The following RASA1 variants were observed in gnomAD, a reference collection of about 807,000 sequenced individuals.
The protein encoded by RASA1 is RAS p21 protein activator 1, also known as ras GTPase-activating protein 1.
In RASA1, 25 loss-of-function variants were observed where a neutral mutation model predicts 132.2. That is an observed-to-expected ratio of 0.19 (90% CI 0.14 to 0.26). The LOEUF is 0.26. RASA1 is among the 10% of genes least tolerant of loss of function. RASA1 has a pLI of 1.00. For synonymous variants in RASA1, 477 were observed against 449.9 expected, an observed-to-expected ratio of 1.06 and a Z score of -0.76; for missense variants, 964 against 1,299.2, an observed-to-expected ratio of 0.74 and a Z score of 3.97.
chr5:87,358,942 T>G (rs775175161), intron 9 of RASA1, among the ~76,000 whole-genome samples: 1 of 129,484 alleles, frequency 7.7e-6, no homozygotes, highest in Non-Finnish European at 1.7e-5. Flanking sequence ...TTTAGCAAAT[T>G]AGCAAATGAC....
At chr5:87,353,935 G>C (rs1389452068) in intron 9 of RASA1, among the ~76,000 whole-genome samples, 1 of 152,044 alleles carries the variant, frequency 6.6e-6, no homozygotes, top group Admixed American at 6.6e-5. Context: ...GTTAGAAAAA[G>C]GTGCTTCAAA....
chr5:87,331,319 T>C, intron 1 of RASA1, 29 bp from the exon 2 acceptor site: 3 of 1,569,256 alleles, frequency 1.9e-6, no homozygotes, highest in Non-Finnish European at 2.6e-6. Flanking sequence ...GCTATTTATA[T>C]TGTAATATCT....
chr5:87,268,566 C>A lies in RASA1; in HGVS notation c.115C>A (p.Pro39Thr), dbSNP rs772125504. The A allele has an allele frequency of 6.2e-6, 10 of 1,606,602 alleles. No individual in the cohort carries two copies. The highest frequency in any genetic ancestry group is 8.5e-6 in the Non-Finnish European group (10 of 1,177,678). ...TCCCGCAGTGTGTCGGGTGAAGATACCCGCGGCCCTGCCTGTGGCAGCCGC... is the reference window on the plus strand; with the variant it reads ...TCCCGCAGTGTGTCGGGTGAAGATAACCGCGGCCCTGCCTGTGGCAGCCGC... ...AYPAVCRVKI[P>T]AALPVAAAPY... The change falls in exon 1 of 25, where the codon CCC (proline) becomes ACC (threonine). Residue 39 changes from proline (P) to threonine (T), a missense_variant. By Grantham distance (38) the Pro-to-Thr change is conservative (BLOSUM62 -1). Transcript: ENST00000274376.
At chr5:87,317,376 A>G (rs890396771) in intron 1 of RASA1, among the ~76,000 whole-genome samples, 2 of 152,158 alleles carry the variant, frequency 1.3e-5, no homozygotes, top group African/African-American at 4.8e-5. Context: ...GGGAGAATCA[A>G]AATTACATAT....
intron 1 of RASA1, among the ~76,000 whole-genome samples, chr5:87,284,471 A>G (rs1754455823): frequency 6.6e-6 from 1 of 152,208 alleles, no homozygotes; most frequent in Non-Finnish European, 1.5e-5. Flanking sequence ...TAGTGACCAT[A>G]TGAAAATTTA....
intron 11 of RASA1, among the ~76,000 whole-genome samples, chr5:87,364,546 G>C (rs1384725183): frequency 1.3e-5 from 2 of 151,912 alleles, no homozygotes; most frequent in Non-Finnish European, 2.9e-5. Context: ...ACCTCATAAA[G>C]AGTTGTTCCA....
intron 1 of RASA1, among the ~76,000 whole-genome samples, chr5:87,324,755 A>T (rs568304463): frequency 2.6e-5 from 4 of 152,240 alleles, no homozygotes; most frequent in African/African-American, 9.6e-5. Flanking sequence ...CCTCAAGTTT[A>T]AGTGATGTGT....
intron 23 of RASA1, among the ~76,000 whole-genome samples, chr5:87,388,081 T>C (rs981901583): frequency 1.3e-5 from 2 of 152,168 alleles, no homozygotes; most frequent in African/African-American, 4.8e-5. Context: ...TAAAATAACT[T>C]TTGTTTTACC....
At chr5:87,275,179 A>T (rs1754010707) in intron 1 of RASA1, among the ~76,000 whole-genome samples, 1 of 152,228 alleles carries the variant, frequency 6.6e-6, no homozygotes, top group East Asian at 1.9e-4. Context: ...ACACTTAAAT[A>T]CCCAGAAAAG....
Position 87,378,500 on chromosome 5 carries a change from T to G in RASA1, c.2449T>G (p.Ser817Ala), listed in dbSNP as rs1252322867. ...TQFVHHALKD[S>A]ILKIMESKQS... ...GTTTGTTCATCATGCTTTGAAAGAC[T>G]CTATTTTAAAGATAATGGAAAGCAA... Residue 817 changes from serine (S) to alanine (A), a missense_variant, in exon 18 of 25, where the codon TCT becomes GCT. Physicochemically the swap from Ser to Ala is moderately conservative, Grantham distance 99. Transcript: ENST00000274376. 1.2e-6 allele frequency: 2 copies of G among 1,611,636 alleles called. No homozygotes were observed. The highest frequency in any genetic ancestry group is 1.7e-5 in the Admixed American group (1 of 59,982).
intron 20 of RASA1, among the ~76,000 whole-genome samples, chr5:87,382,644 A>T (rs751521762): frequency 2.0e-5 from 3 of 152,222 alleles, no homozygotes; most frequent in Non-Finnish European, 1.5e-5. Context: ...AGGAGTATCT[A>T]TGCAAGCTTT....
chr5:87,297,199 G>C (rs151025789), intron 1 of RASA1, among the ~76,000 whole-genome samples: 1 of 152,222 alleles, frequency 6.6e-6, no homozygotes, highest in African/African-American at 2.4e-5. Context: ...AAAGCACCTA[G>C]CATATTAATC....
At position 87,287,629 on chromosome 5, in the gene RASA1, C is replaced by T. The variant is rs373909552; in HGVS notation, c.539+18639C>T. 4.4e-4 allele frequency among the ~76,000 whole-genome samples: 65 copies of T among 148,182 alleles called. No homozygotes were observed. The East Asian group carries it at 9.7e-3, about 22-fold the overall frequency. ...GCCATATATATACCATACATATACACGCCATAGATATACCATATATATACA... is the reference window on the plus strand; with the variant it reads ...GCCATATATATACCATACATATACATGCCATAGATATACCATATATATACA... On this transcript the variant is annotated intron_variant, in intron 1 of 24. Transcript: ENST00000274376.
intron 1 of RASA1, among the ~76,000 whole-genome samples, chr5:87,300,782 A>G (rs773828634): frequency 6.6e-6 from 1 of 152,234 alleles, no homozygotes; most frequent in Non-Finnish European, 1.5e-5. Context: ...AAAGATGATT[A>G]TATGATTAAA....
At chr5:87,329,762 A>G (rs1227447545) in intron 1 of RASA1, among the ~76,000 whole-genome samples, 5 of 152,152 alleles carry the variant, frequency 3.3e-5, no homozygotes, top group African/African-American at 1.2e-4. Context: ...AGTAATGAGG[A>G]ATGCACTAGT....
At chr5:87,330,326 AATAC>A (rs1292446189) in intron 1 of RASA1, among the ~76,000 whole-genome samples, 13 of 152,228 alleles carry the variant, frequency 8.5e-5, no homozygotes, top group South Asian at 6.2e-4. Context: ...TATTATATAA[AATAC>A]ATACATTATT....
At chr5:87,311,491 G>A (rs1755908617) in intron 1 of RASA1, among the ~76,000 whole-genome samples, 1 of 152,154 alleles carries the variant, frequency 6.6e-6, no homozygotes, top group South Asian at 2.1e-4. Context: ...AGTAATAATA[G>A]TTTATTATAG....
intron 1 of RASA1, among the ~76,000 whole-genome samples, chr5:87,323,000 G>A (rs919663308): frequency 6.6e-6 from 1 of 152,132 alleles, no homozygotes; most frequent in Non-Finnish European, 1.5e-5. Flanking sequence ...AGATTCTTGG[G>A]AGAGCTTTGT....
At position 87,330,736 on chromosome 5, in the gene RASA1, CAT is replaced by C. The variant is rs1439995261; in HGVS notation, c.540-611_540-610del. Among the ~76,000 whole-genome samples, 4 of 152,144 alleles carry C rather than the reference CAT, an allele frequency of 2.6e-5. 1 individual carries two copies. The highest frequency in any genetic ancestry group is 5.9e-5 in the Non-Finnish European group (4 of 68,014). On this transcript the variant is annotated intron_variant, in intron 1 of 24. Coordinates refer to ENST00000274376, the MANE Select transcript of RASA1 (RefSeq NM_002890.3). ...GACAAAGGTGCTATTTATTCTCCCA[CAT>C]GTTTGTTACATAAATTTGGAAAGTT...
Sources: allele counts gnomAD v4.1 joint callset (sites outside exome capture counted in the v4.1 genomes callset), GRCh38; gene constraint gnomAD v4.1.1; transcripts MANE v1.5; gene names NCBI Gene and HGNC (gene_info 2026-07-23, HGNC 2026-07-21).